The following OARD1 variants were observed in gnomAD, a reference collection of about 807,000 sequenced individuals.
The protein encoded by OARD1 is O-acyl-ADP-ribose deacylase 1.
OARD1 carries 19 observed loss-of-function variants against 19.7 expected under a neutral mutation model. That is an observed-to-expected ratio of 0.96 (90% confidence interval 0.67 to 1.41). The LOEUF (loss-of-function observed/expected upper bound fraction) is 1.41, where lower values mean the gene tolerates loss of function less well. Among genes scored for constraint, OARD1 ranks in the 40% most tolerant of loss-of-function variants. OARD1 has a pLI of 0.00. For missense variants in OARD1, 190 were observed against 183.8 expected (o/e 1.03, Z -0.20); for synonymous variants, 70 against 61.8 (o/e 1.13, Z -0.62).
At chr6:41,069,999 GCAGCC>G (rs1198101833) in intron 4 of OARD1, 72 bp downstream of exon 4, 3 of 862,480 alleles carry the variant, frequency 3.5e-6, no homozygotes, top group South Asian at 2.7e-5. Flanking sequence ...CAAATGCAGT[GCAGCC>G]CATCTGTTCA....
At position 41,071,191 on chromosome 6, in the gene OARD1, G is replaced by C; in HGVS notation, c.125C>G (p.Ala42Gly). 6.2e-7 allele frequency: 1 copy of C among 1,614,168 alleles called. No homozygotes were observed. The highest frequency in any genetic ancestry group is 8.5e-7 in the Non-Finnish European group (1 of 1,180,006). Residue 42 changes from alanine (A) to glycine (G), a missense_variant, in exon 3 of 6, where the codon GCT becomes GGT. Physicochemically the swap from Ala to Gly is moderately conservative, Grantham distance 60 (BLOSUM62 0). Transcript: ENST00000424266. ...HCISEDCRMG[A>G]GIAVLFKKKF... The stretch of plus-strand genomic sequence containing the variant: ...CTTCTTAAAGAGGACAGCTATCCCA[G>C]CGCCCATGCGACAATCCTCACTGAT...
intron 1 of OARD1, chr6:41,090,092 C>T (rs1469484322): frequency 1.5e-5 from 10 of 684,488 alleles, no homozygotes; most frequent in East Asian, 1.2e-4. Context: ...TCCAGCCTGG[C>T]GACAGAGTGA....
upstream of OARD1, among the ~76,000 whole-genome samples, chr6:41,073,995 C>T (rs771538717): frequency 6.6e-6 from 1 of 151,518 alleles, no homozygotes; most frequent in African/African-American, 2.4e-5. Flanking sequence ...AAGATTGATA[C>T]CCTTGCGCAT....
intron 1 of OARD1, chr6:41,094,442 G>A: frequency 1.9e-6 from 3 of 1,614,208 alleles, no homozygotes; most frequent in Non-Finnish European, 2.5e-6. Flanking sequence ...GCACGGAAGC[G>A]TGGTGAAGGT....
chr6:41,094,512 A>G (rs777562763), intron 1 of OARD1: 21 of 1,596,368 alleles, frequency 1.3e-5, no homozygotes, highest in Non-Finnish European at 1.7e-5. Flanking sequence ...GAAGACATAT[A>G]CATTTTATTC....
intron 1 of OARD1, among the ~76,000 whole-genome samples, chr6:41,093,835 T>TA (rs1764268075): frequency 6.6e-6 from 1 of 152,216 alleles, no homozygotes; most frequent in Non-Finnish European, 1.5e-5. Flanking sequence ...GGAATTTAGT[T>TA]ACCTGATCAC....
intron 1 of OARD1, chr6:41,094,534 A>C: frequency 1.3e-6 from 2 of 1,537,308 alleles, no homozygotes; most frequent in Non-Finnish European, 1.8e-6. Context: ...TCTCTTTATT[A>C]CCTTGTATTG....
chr6:41,084,527 G>A (rs1332149290), intron 1 of OARD1, among the ~76,000 whole-genome samples: 2 of 152,024 alleles, frequency 1.3e-5, no homozygotes, highest in African/African-American at 4.8e-5. Flanking sequence ...GCAAAAAGTG[G>A]GTCCAAATTA....
chr6:41,077,493 A>G (rs537764768), upstream of OARD1, among the ~76,000 whole-genome samples: 17 of 152,092 alleles, frequency 1.1e-4, no homozygotes, highest in Admixed American at 4.6e-4. Flanking sequence ...GGAATCATAT[A>G]TATTCGTTTA....
intron 1 of OARD1, among the ~76,000 whole-genome samples, chr6:41,097,191 A>G (rs898118835): frequency 6.6e-6 from 1 of 152,186 alleles, no homozygotes; most frequent in Admixed American, 6.5e-5. Context: ...CTTCTTTCCT[A>G]ATGGGGCTAC....
At chr6:41,069,965 T>C in intron 4 of OARD1, 111 bp downstream of exon 4, 1 of 791,314 alleles carries the variant, frequency 1.3e-6, no homozygotes, top group Middle Eastern at 2.3e-4. Flanking sequence ...CTTAGTTGTC[T>C]AGAATAGAAC....
intron 5 of OARD1, among the ~76,000 whole-genome samples, chr6:41,068,054 T>C (rs565199021): frequency 9.9e-5 from 15 of 152,166 alleles, no homozygotes; most frequent in Non-Finnish European, 2.2e-4. Flanking sequence ...TTTCATGTCA[T>C]AATGTGATAA....
chr6:41,076,155 C>A (rs185024956), upstream of OARD1, among the ~76,000 whole-genome samples: 587 of 152,214 alleles, frequency 3.9e-3, 10 homozygotes, highest in South Asian at 0.061. Context: ...CGACTGTAAT[C>A]CCAGCACTTT....
At chr6:41,079,018 C>G (rs894064912) in intron 1 of OARD1, 1 of 1,387,906 alleles carries the variant, frequency 7.2e-7, no homozygotes, top group Non-Finnish European at 1.0e-6. Flanking sequence ...CTTTCCCCAC[C>G]TTTCTAACAG....
At chr6:41,097,671 C>T in intron 1 of OARD1, 1 of 396,996 alleles carries the variant, frequency 2.5e-6, no homozygotes, top group South Asian at 3.1e-5. Context: ...TCGGATGATG[C>T]AAGGAGACAC....
upstream of OARD1, among the ~76,000 whole-genome samples, chr6:41,074,115 TC>T (rs1396377070): frequency 4.6e-5 from 7 of 152,348 alleles, no homozygotes; most frequent in Non-Finnish European, 8.8e-5. Flanking sequence ...GGGTTTTTTT[TC>T]CCTTTGTTTT....
chr6:41,076,038 G>A (rs1199600046), upstream of OARD1, among the ~76,000 whole-genome samples: 2 of 152,160 alleles, frequency 1.3e-5, no homozygotes, highest in African/African-American at 2.4e-5. Context: ...TTCATCAAGC[G>A]TCTATCAGGA....
At chr6:41,086,777 TATAAAC>T (rs1764057632) in intron 1 of OARD1, among the ~76,000 whole-genome samples, 1 of 152,130 alleles carries the variant, frequency 6.6e-6, no homozygotes, top group Admixed American at 6.5e-5. Flanking sequence ...ATAAAAGTGG[TATAAAC>T]ATATCAATGA....
At chr6:41,083,657 CA>C (rs1763967614) in intron 1 of OARD1, among the ~76,000 whole-genome samples, 1 of 152,226 alleles carries the variant, frequency 6.6e-6, no homozygotes, top group African/African-American at 2.4e-5. Context: ...TCACCACCAT[CA>C]CCTTTCCCTC....
Sources: allele counts gnomAD v4.1 joint callset (sites outside exome capture counted in the v4.1 genomes callset), GRCh38; gene constraint gnomAD v4.1.1; transcripts MANE v1.5; gene names NCBI Gene and HGNC (gene_info 2026-07-23, HGNC 2026-07-21).